KIAA1549: variants seen among roughly 807,000 people sequenced by gnomAD.
The protein encoded by KIAA1549 is UPF0606 protein KIAA1549.
In KIAA1549, 70 loss-of-function variants were observed where a neutral mutation model predicts 156.4. The ratio of observed to expected loss-of-function variants is 0.45; its 90% CI spans 0.37 to 0.55. The LOEUF (loss-of-function observed/expected upper bound fraction) is 0.55, where lower values mean the gene tolerates loss of function less well. KIAA1549 is among the 20% of genes least tolerant of loss of function. The pLI, the probability that KIAA1549 is intolerant of heterozygous loss-of-function variation, is 0.00. For missense variants in KIAA1549, 2,428 were observed against 2,540.9 expected (o/e 0.96, Z 0.96); for synonymous variants, 1,103 against 1,066.4 (o/e 1.03, Z -0.67).
chr7:138,957,382 C>T (rs1813696444), intron 1 of KIAA1549, among the ~76,000 whole-genome samples: 1 of 152,246 alleles, frequency 6.6e-6, no homozygotes, highest in South Asian at 2.1e-4. Context: ...CAAACAGAAA[C>T]CCAAAGTCAA....
At chr7:138,847,338 AC>A (rs1195656767) in intron 17 of KIAA1549, among the ~76,000 whole-genome samples, 1 of 151,960 alleles carries the variant, frequency 6.6e-6, no homozygotes, top group African/African-American at 2.4e-5. Flanking sequence ...ACCTAAGCTC[AC>A]CTCGCCAGTT....
At chr7:138,851,480 C>T (rs535397005) in intron 17 of KIAA1549, among the ~76,000 whole-genome samples, 189 of 151,968 alleles carry the variant, frequency 1.2e-3, no homozygotes, top group Non-Finnish European at 1.5e-3. Context: ...ATATCTGGAT[C>T]CCCTGTAGTT....
Position 138,897,350 on chromosome 7 carries a change from T to C in KIAA1549, c.3847+1605A>G, listed in dbSNP as rs112523108. Among the ~76,000 whole-genome samples the C allele has an allele frequency of 3.5e-3, 530 of 152,304 alleles. 5 individuals carry two copies. Among genetic ancestry groups the C allele is most frequent in the African/African-American group, 0.012 (506 of 41,576 alleles). On this transcript the variant is annotated intron_variant, in intron 9 of 19. Transcript: ENST00000422774. Reference sequence around the variant, plus strand: ...CATCTTCCATAAAATAGAGAAATTATGCCCATCAGCTCTCATCTTGGTTGG... The same window carrying C: ...CATCTTCCATAAAATAGAGAAATTACGCCCATCAGCTCTCATCTTGGTTGG...
At chr7:138,841,253 C>G (rs1369195473) in intron 18 of KIAA1549, among the ~76,000 whole-genome samples, 3 of 151,976 alleles carry the variant, frequency 2.0e-5, no homozygotes, top group African/African-American at 7.3e-5. Context: ...TATTTTTTTC[C>G]CCTTAAAAGG....
At chr7:138,855,608 G>A (rs888916177) in intron 16 of KIAA1549, among the ~76,000 whole-genome samples, 5 of 152,228 alleles carry the variant, frequency 3.3e-5, no homozygotes, top group East Asian at 3.9e-4. Context: ...CCTGCACATC[G>A]CAGGTGCCTG....
intron 1 of KIAA1549, among the ~76,000 whole-genome samples, chr7:138,922,973 T>C (rs1812605701): frequency 7.0e-6 from 1 of 143,664 alleles, no homozygotes; most frequent in South Asian, 2.2e-4. Flanking sequence ...AAAAGAAAAA[T>C]CCAAACCTAT....
chr7:138,853,063 ACT>A (rs1450814288), intron 16 of KIAA1549, among the ~76,000 whole-genome samples: 1 of 152,044 alleles, frequency 6.6e-6, no homozygotes, highest in African/African-American at 2.4e-5. Context: ...TATACATGGG[ACT>A]CTTATTTCAA....
rs140101820 is a variant in KIAA1549, at chr7:138,979,246, G to A, written c.187+1837C>T. Among the ~76,000 whole-genome samples the A allele has an allele frequency of 2.7e-3, 415 of 152,314 alleles. 2 individuals are homozygous for A. Among genetic ancestry groups the A allele is most frequent in the Middle Eastern group, 0.01 (3 of 294 alleles). ...TTGAATATTTGTATTGGGGGTAGAGGGGAAGCAGGAAAGGACTTCCAAAGA... is the reference window on the plus strand; with the variant it reads ...TTGAATATTTGTATTGGGGGTAGAGAGGAAGCAGGAAAGGACTTCCAAAGA... On this transcript the variant is annotated intron_variant, in intron 1 of 19. Coordinates refer to ENST00000422774, the MANE Select transcript of KIAA1549 (RefSeq NM_001164665.2).
chr7:138,905,370 C>G (rs3735014), intron 6 of KIAA1549, among the ~76,000 whole-genome samples: 57,624 of 152,048 alleles, frequency 0.38, 12,150 homozygotes, highest in African/African-American at 0.56. Context: ...CCACAGCAAT[C>G]CATGTTCACA....
chr7:138,832,624 T>C lies in KIAA1549; in HGVS notation c.*5282A>G. 1 of 213,082 alleles carries C rather than the reference T, an allele frequency of 4.7e-6. No individual in the cohort carries two copies. Among genetic ancestry groups the C allele is most frequent in the East Asian group, 7.1e-5 (1 of 14,148 alleles). 13.2% of individuals were successfully genotyped at this position (213,082 alleles called of 1,614,324 possible). ...TTTTAACTATACTGCATTAAGACAT[T>C]CATTGCTTCTGTCACTTTCTTACTG... On this transcript the variant is annotated 3_prime_UTR_variant, in exon 20 of 20. Transcript: ENST00000422774.
At chr7:138,947,604 A>G (rs1456828971) in intron 1 of KIAA1549, among the ~76,000 whole-genome samples, 2 of 152,238 alleles carry the variant, frequency 1.3e-5, no homozygotes, top group Non-Finnish European at 2.9e-5. Context: ...CCAAGTTTTA[A>G]AAGAATGAAG....
Position 138,911,225 on chromosome 7 carries a change from A to G in KIAA1549, c.3066T>C (p.Leu1022=). 3 of 1,600,946 alleles carry G rather than the reference A, an allele frequency of 1.9e-6. No individual in the cohort carries two copies. Among genetic ancestry groups the G allele is most frequent in the Non-Finnish European group, 2.6e-6 (3 of 1,173,298 alleles). ...GGATTAAAGGAGTCTGGTCACGGAC[A>G]AGCTTACTGTTTATAAGCACATTTA... ...SVINVLINSK[L]VRDQTPLILS... Residue 1022 remains leucine, a synonymous_variant, in exon 4 of 20, where the codon CTT becomes CTC. Coordinates refer to ENST00000422774, the MANE Select transcript of KIAA1549 (RefSeq NM_001164665.2).
intron 18 of KIAA1549, among the ~76,000 whole-genome samples, chr7:138,841,068 G>C (rs989767172): frequency 6.6e-6 from 1 of 152,048 alleles, no homozygotes; most frequent in African/African-American, 2.4e-5. Context: ...ATTAGGACTG[G>C]GGATAAACGG....
rs763273856 is a variant in KIAA1549 at position 138,916,728 on chromosome 7, G to C, written c.2878+20C>G. On this transcript the variant is annotated intron_variant, in intron 2 of 19. Coordinates refer to ENST00000422774, the MANE Select transcript of KIAA1549 (RefSeq NM_001164665.2). Reference sequence around the variant, plus strand: ...GAAAGATTGCCCACCCCAGAGAGGCGGCAGGAAGCTGGGCCTTACCAGTTG... The same window carrying C: ...GAAAGATTGCCCACCCCAGAGAGGCCGCAGGAAGCTGGGCCTTACCAGTTG... The C allele has an allele frequency of 4.3e-6, 7 of 1,612,698 alleles. No homozygotes were observed. Among genetic ancestry groups the C allele is most frequent in the Non-Finnish European group, 5.9e-6 (7 of 1,179,408 alleles).
chr7:138,886,419 C>T (rs1382587916), intron 10 of KIAA1549, among the ~76,000 whole-genome samples: 1 of 152,110 alleles, frequency 6.6e-6, no homozygotes, highest in Non-Finnish European at 1.5e-5. Context: ...GGACCACAGA[C>T]ATGTGCCATC....
At chr7:138,960,561 C>T (rs371744016) in intron 1 of KIAA1549, among the ~76,000 whole-genome samples, 5 of 152,024 alleles carry the variant, frequency 3.3e-5, no homozygotes, top group South Asian at 4.1e-4. Flanking sequence ...CCACCTGCCT[C>T]GGCCTCCAAA....
chr7:138,960,353 T>C (rs571130484), intron 1 of KIAA1549, among the ~76,000 whole-genome samples: 173 of 151,738 alleles, frequency 1.1e-3, no homozygotes, highest in African/African-American at 4.0e-3. Context: ...TCTATCATCC[T>C]GGCTGGAGTG....
rs1053898313 is a variant in KIAA1549 at position 138,903,653 on chromosome 7, C to T, written c.3604G>A (p.Glu1202Lys). ...MERKLAQLLS[E>K]VSTRRRMWRR... ...CACATCCGCCTTCTGGTGGAAACCT[C>T]GCTGAGCAGCTGGGCCAGCTTGCGT... The change falls in exon 8 of 20, where the codon GAG becomes AAG. Residue 1202 changes from glutamate to lysine, a missense_variant. By Grantham distance (56) the Glu-to-Lys change is moderately conservative. Transcript: ENST00000422774. 4 of 1,613,152 alleles carry T rather than the reference C, an allele frequency of 2.5e-6. No individual in the cohort carries two copies. The South Asian group carries it at 3.3e-5, about 13-fold the overall frequency.
At chr7:138,962,146 T>C (rs901172132) in intron 1 of KIAA1549, among the ~76,000 whole-genome samples, 3 of 152,212 alleles carry the variant, frequency 2.0e-5, no homozygotes, top group Admixed American at 2.0e-4. Flanking sequence ...CAGGATTACA[T>C]GGCTTAATAC....
Sources: allele counts gnomAD v4.1 joint callset (sites outside exome capture counted in the v4.1 genomes callset), GRCh38; gene constraint gnomAD v4.1.1; transcripts MANE v1.5; gene names NCBI Gene and HGNC (gene_info 2026-07-23, HGNC 2026-07-21).